SORCS1: variants seen among roughly 807,000 people sequenced by gnomAD.
SORCS1 encodes sortilin related VPS10 domain containing receptor 1, also known as VPS10 domain-containing receptor SorCS1.
In SORCS1, 60 loss-of-function variants were observed where a neutral mutation model predicts 146.1. The observed-to-expected ratio is 0.41, with a 90% confidence interval of 0.33 to 0.51. The LOEUF is 0.51. Ranked by LOEUF, SORCS1 falls within the 20% of genes least tolerant of loss-of-function variation. The pLI is 0.21. For synonymous variants in SORCS1, 637 were observed against 584.0 expected, an observed-to-expected ratio of 1.09 and a Z score of -1.31; for missense variants, 1,352 against 1,487.6, an observed-to-expected ratio of 0.91 and a Z score of 1.50.
At chr10:106,597,976 A>G (rs1327936566) in intron 23 of SORCS1, among the ~76,000 whole-genome samples, 1 of 152,184 alleles carries the variant, frequency 6.6e-6, no homozygotes, top group African/African-American at 2.4e-5. Flanking sequence ...CCTTTATTTC[A>G]TGCTTATAAA....
chr10:106,888,359 C>A (rs1951088719), intron 2 of SORCS1, among the ~76,000 whole-genome samples: 1 of 151,938 alleles, frequency 6.6e-6, no homozygotes, highest in African/African-American at 2.4e-5. Flanking sequence ...GAGGTTCGTG[C>A]CTTTAACATT....
At chr10:106,645,271 C>A (rs539018878) in intron 18 of SORCS1, among the ~76,000 whole-genome samples, 1 of 151,274 alleles carries the variant, frequency 6.6e-6, no homozygotes, top group Non-Finnish European at 1.5e-5. Flanking sequence ...TAGGTTCAGG[C>A]GATTCTCCTG....
chr10:106,746,733 C>T (rs1857771999), intron 5 of SORCS1, among the ~76,000 whole-genome samples: 1 of 152,188 alleles, frequency 6.6e-6, no homozygotes, highest in South Asian at 2.1e-4. Context: ...ACAGACAGAA[C>T]CTGATAGCAG....
At chr10:107,001,611 G>A (rs1328746949) in intron 1 of SORCS1, among the ~76,000 whole-genome samples, 2 of 152,102 alleles carry the variant, frequency 1.3e-5, no homozygotes, top group Non-Finnish European at 2.9e-5. Flanking sequence ...TTACAGGCAC[G>A]TGCCACCACA....
At chr10:106,866,341 G>A (rs1316495221) in intron 2 of SORCS1, among the ~76,000 whole-genome samples, 2 of 152,144 alleles carry the variant, frequency 1.3e-5, no homozygotes, top group Non-Finnish European at 2.9e-5. Context: ...ACCAGACAGG[G>A]AACCTGCAGG....
intron 1 of SORCS1, among the ~76,000 whole-genome samples, chr10:107,137,579 T>C (rs1967422461): frequency 6.6e-6 from 1 of 152,168 alleles, no homozygotes; most frequent in Non-Finnish European, 1.5e-5. Flanking sequence ...ATTGGGAGCA[T>C]GAGGCCAGGT....
At chr10:106,582,459 G>A (rs1844980012) in intron 24 of SORCS1, among the ~76,000 whole-genome samples, 2 of 152,158 alleles carry the variant, frequency 1.3e-5, no homozygotes, top group South Asian at 2.1e-4. Flanking sequence ...TGTTCCGTGG[G>A]TGGTGTCTGC....
At chr10:106,916,420 G>C (rs1952427600) in intron 2 of SORCS1, among the ~76,000 whole-genome samples, 1 of 149,688 alleles carries the variant, frequency 6.7e-6, no homozygotes, top group Non-Finnish European at 1.5e-5. Flanking sequence ...GTGTGTGTGG[G>C]GGTATACACA....
chr10:106,929,066 C>T (rs1953251045), intron 2 of SORCS1, among the ~76,000 whole-genome samples: 1 of 152,146 alleles, frequency 6.6e-6, no homozygotes, highest in Non-Finnish European at 1.5e-5. Context: ...TGCACAGGCT[C>T]TCATAGGTAT....
chr10:107,113,734 A>G (rs1354320336), intron 1 of SORCS1, among the ~76,000 whole-genome samples: 2 of 151,468 alleles, frequency 1.3e-5, no homozygotes, highest in African/African-American at 4.8e-5. Context: ...GAAACAACCT[A>G]TTGTTACACC....
intron 2 of SORCS1, among the ~76,000 whole-genome samples, chr10:106,851,070 A>G (rs1054945932): frequency 6.6e-6 from 1 of 152,206 alleles, no homozygotes; most frequent in African/African-American, 2.4e-5. Context: ...AGCTAGCTTG[A>G]AACCTACTGA....
At chr10:106,909,552 G>A (rs1952051551) in intron 2 of SORCS1, among the ~76,000 whole-genome samples, 1 of 152,120 alleles carries the variant, frequency 6.6e-6, no homozygotes, top group Non-Finnish European at 1.5e-5. Flanking sequence ...CTGCAAAACA[G>A]CATATGGGCA....
chr10:106,815,233 A>C (rs1441095273), intron 3 of SORCS1, among the ~76,000 whole-genome samples: 1 of 152,164 alleles, frequency 6.6e-6, no homozygotes, highest in African/African-American at 2.4e-5. Context: ...CTAGGGTTAC[A>C]GGCATGAGCC....
intron 12 of SORCS1, 74 bp from the exon 13 acceptor site, chr10:106,677,478 A>T: frequency 7.7e-7 from 1 of 1,305,856 alleles, no homozygotes; most frequent in African/African-American, 1.5e-5. Flanking sequence ...ATCAGTCTTC[A>T]CATGAGAACA....
rs897890315 is a variant in SORCS1 at position 106,985,522 on chromosome 10, C to T, written c.559-28942G>A. The stretch of plus-strand genomic sequence containing the variant: ...ACAACACGTGAAGTCTATTCATGTA[C>T]TATTATTTCACTTAAGCTTTTTTTT... On this transcript the variant is annotated intron_variant, in intron 1 of 25. Coordinates refer to ENST00000263054, the MANE Select transcript of SORCS1 (RefSeq NM_052918.5). Among the ~76,000 whole-genome samples the T allele has an allele frequency of 3.4e-5, 5 of 149,108 alleles. 1 individual carries two copies. The highest frequency in any genetic ancestry group is 1.2e-4 in the African/African-American group (5 of 40,516).
intron 6 of SORCS1, among the ~76,000 whole-genome samples, chr10:106,710,283 C>A (rs964486282): frequency 4.6e-5 from 7 of 152,070 alleles, no homozygotes; most frequent in African/African-American, 1.7e-4. Context: ...CCCGTCTCTA[C>A]TAAAAATACA....
chr10:106,742,387 AT>A (rs59961325), intron 5 of SORCS1, among the ~76,000 whole-genome samples: 73 of 128,926 alleles, frequency 5.7e-4, no homozygotes, highest in African/African-American at 2.3e-3. Flanking sequence ...ATTTTACACA[AT>A]TTTTTTTTTG....
intron 2 of SORCS1, among the ~76,000 whole-genome samples, chr10:106,849,817 A>T (rs1316929121): frequency 6.6e-6 from 1 of 151,580 alleles, no homozygotes; most frequent in Non-Finnish European, 1.5e-5. Flanking sequence ...CAGGACCCTC[A>T]GCTGCAGGTC....
intron 1 of SORCS1, among the ~76,000 whole-genome samples, chr10:106,992,978 T>C (rs1167392181): frequency 6.6e-6 from 1 of 151,864 alleles, no homozygotes; most frequent in African/African-American, 2.4e-5. Flanking sequence ...ATTACAGGCA[T>C]GCACCACCAC....
Sources: gnomAD v4.1 joint callset for allele counts (sites outside exome capture counted in the v4.1 genomes callset) on GRCh38, gnomAD v4.1.1 for gene constraint, MANE v1.5 for transcripts, NCBI Gene and HGNC (gene_info 2026-07-23, HGNC 2026-07-21) for gene names.